Variants in EIF2AK3 observed in about 807,000 individuals in gnomAD.
The protein encoded by EIF2AK3 is eukaryotic translation initiation factor 2-alpha kinase 3.
EIF2AK3 carries 50 observed loss-of-function variants against 113.5 expected under a neutral mutation model. The ratio of observed to expected loss-of-function variants is 0.44; its 90% CI spans 0.35 to 0.56. The LOEUF (loss-of-function observed/expected upper bound fraction) is 0.56, where lower values mean the gene tolerates loss of function less well. Among genes scored for constraint, EIF2AK3 ranks in the 20% least tolerant of loss-of-function variants. The probability of loss-of-function intolerance (pLI) is 0.00; values close to 1 mark genes in which losing one functional copy is unlikely to be tolerated. For synonymous variants in EIF2AK3, 448 were observed against 495.4 expected, an observed-to-expected ratio of 0.90 and a Z score of 1.27; for missense variants, 1,185 against 1,378.0, an observed-to-expected ratio of 0.86 and a Z score of 2.22.
At chr2:88,606,253 TAATA>T (rs1178900271) in intron 2 of EIF2AK3, among the ~76,000 whole-genome samples, 1 of 151,714 alleles carries the variant, frequency 6.6e-6, no homozygotes, top group Non-Finnish European at 1.5e-5. Flanking sequence ...TCACCTAGAT[TAATA>T]TATATTCATG....
chr2:88,626,890 C>T, intron 1 of EIF2AK3, 77 bp downstream of exon 1: 1 of 1,554,028 alleles, frequency 6.4e-7, no homozygotes, highest in South Asian at 1.2e-5. Context: ...GGTCCCGGAT[C>T]TCCGCCCCCC....
Position 88,588,070 on chromosome 2 carries a change from A to G in EIF2AK3, c.1341T>C (p.Ser447=). Residue 447 remains serine (S), a synonymous_variant, in exon 8 of 17, where the codon TCT becomes TCC. Transcript: ENST00000303236. ...TACTGAGACATTTGTCAAATTCATC[A>G]GATCCTACCAAGACAGGAGTTCTGG... ...SPSRTPVLVG[S]DEFDKCLSND... 6.5e-7 allele frequency: 1 copy of G among 1,538,922 alleles called. No individual in the cohort carries two copies. The highest frequency in any genetic ancestry group is 8.9e-7 in the Non-Finnish European group (1 of 1,118,922).
chr2:88,621,692 A>G (rs1300242833), intron 1 of EIF2AK3, among the ~76,000 whole-genome samples: 5 of 152,196 alleles, frequency 3.3e-5, no homozygotes, highest in Non-Finnish European at 7.3e-5. Context: ...TTACTTAAAC[A>G]TATGACAAGA....
chr2:88,590,277 A>G (rs188409370), intron 6 of EIF2AK3, among the ~76,000 whole-genome samples, 166 bp downstream of exon 6: 16 of 152,296 alleles, frequency 1.1e-4, no homozygotes, highest in Admixed American at 4.6e-4. Flanking sequence ...CAAATGGAAA[A>G]GTAGCAGGAA....
At chr2:88,576,831 G>A in intron 11 of EIF2AK3, 128 bp from the exon 12 acceptor site, 2 of 1,035,774 alleles carry the variant, frequency 1.9e-6, no homozygotes, top group South Asian at 1.6e-5. Context: ...GAAAATTAAA[G>A]AAATAAAATT....
intron 1 of EIF2AK3, among the ~76,000 whole-genome samples, chr2:88,622,139 C>T (rs560256757): frequency 4.5e-4 from 69 of 152,200 alleles, no homozygotes; most frequent in African/African-American, 1.5e-3. Context: ...TCAGGTGATC[C>T]GCCTGCCTTG....
chr2:88,570,609 T>G (rs1172086207), intron 14 of EIF2AK3, among the ~76,000 whole-genome samples: 1 of 152,196 alleles, frequency 6.6e-6, no homozygotes, highest in East Asian at 1.9e-4. Context: ...AAAGTCTCTT[T>G]CCAAATTCCT....
chr2:88,580,242 T>C (rs1674566352), intron 10 of EIF2AK3, among the ~76,000 whole-genome samples: 1 of 152,202 alleles, frequency 6.6e-6, no homozygotes, highest in African/African-American at 2.4e-5. Flanking sequence ...AGCAGCCTGT[T>C]TCTCCCTTTA....
intron 1 of EIF2AK3, among the ~76,000 whole-genome samples, chr2:88,617,467 A>C: frequency 6.6e-6 from 1 of 152,222 alleles, no homozygotes; most frequent in Non-Finnish European, 1.5e-5. Flanking sequence ...ACATGGGAGC[A>C]ATAGACACTG....
At chr2:88,621,985 A>G (rs1228513280) in intron 1 of EIF2AK3, among the ~76,000 whole-genome samples, 1 of 143,190 alleles carries the variant, frequency 7.0e-6, no homozygotes, top group Non-Finnish European at 1.5e-5. Flanking sequence ...CAAACTCTGC[A>G]TCCCGGGTTC....
At chr2:88,589,031 T>C in intron 6 of EIF2AK3, 130 bp from the exon 7 acceptor site, 1 of 1,072,564 alleles carries the variant, frequency 9.3e-7, no homozygotes, top group Admixed American at 2.3e-5. Context: ...AGAAACATGC[T>C]TGAAGCACTC....
intron 1 of EIF2AK3, among the ~76,000 whole-genome samples, chr2:88,623,301 G>A (rs139790473): frequency 3.0e-4 from 45 of 152,272 alleles, no homozygotes; most frequent in African/African-American, 1.1e-3. Flanking sequence ...ATCAACTAAT[G>A]TAATGTTTAG....
rs552909988 is a variant in EIF2AK3 at position 88,598,519 on chromosome 2, A to T, written c.439-2856T>A. On this transcript the variant is annotated intron_variant, in intron 2 of 16. Coordinates refer to ENST00000303236, the MANE Select transcript of EIF2AK3 (RefSeq NM_004836.7). ...GAATGCACAACCTGAATCTCAGCAC[A>T]AAGAAACATCAGGCAAGCACAAAGT... is the stretch of plus-strand genomic sequence containing the variant. Among the ~76,000 whole-genome samples the T allele has an allele frequency of 4.3e-4, 65 of 152,326 alleles. No homozygotes were observed. In the South Asian group the frequency reaches 0.013, roughly 32 times the overall value.
At chr2:88,598,599 A>G (rs941770555) in intron 2 of EIF2AK3, among the ~76,000 whole-genome samples, 3 of 152,104 alleles carry the variant, frequency 2.0e-5, no homozygotes, top group African/African-American at 4.8e-5. Context: ...AAAAATGTCA[A>G]TGTCAGATAA....
chr2:88,622,887 AG>A (rs1675762380), intron 1 of EIF2AK3, among the ~76,000 whole-genome samples: 2 of 152,234 alleles, frequency 1.3e-5, no homozygotes, highest in African/African-American at 4.8e-5. Context: ...AAAACGACAG[AG>A]GAAAAAAAGA....
intron 14 of EIF2AK3, 32 bp downstream of exon 14, chr2:88,570,842 T>C (rs1311591656): frequency 6.2e-7 from 1 of 1,612,806 alleles, no homozygotes; most frequent in East Asian, 2.2e-5. Context: ...CATCTGCTGC[T>C]GTGCTAGTAA....
chr2:88,608,349 G>T lies in EIF2AK3; in HGVS notation c.438+5375C>A, dbSNP rs373441456. On this transcript the variant is annotated intron_variant, in intron 2 of 16. Coordinates refer to ENST00000303236, the MANE Select transcript of EIF2AK3 (RefSeq NM_004836.7). ...GCTGGGACGACTACTCAGGAGGCACGTGCCACTGTGCCCAACTTTCATACC... is the reference window on the plus strand; with the variant it reads ...GCTGGGACGACTACTCAGGAGGCACTTGCCACTGTGCCCAACTTTCATACC... Among the ~76,000 whole-genome samples, 21 of 152,188 alleles carry T rather than the reference G, an allele frequency of 1.4e-4. No homozygotes were observed. The East Asian group carries it at 2.9e-3, about 21-fold the overall frequency.
intron 13 of EIF2AK3, among the ~76,000 whole-genome samples, chr2:88,574,110 T>G (rs1160816711): frequency 6.6e-6 from 1 of 152,228 alleles, no homozygotes; most frequent in African/African-American, 2.4e-5. Context: ...GTTAACTATT[T>G]GCTACCTTTC....
In EIF2AK3 at chr2:88,595,835, C is replaced by A. The variant is rs1321520156; in HGVS notation, c.439-172G>T. ...CTTCTGAGTAGCACATGAAGCAGTG[C>A]AGTCCATCAACCAAAAGTAATTTAA... On this transcript the variant is annotated intron_variant, in intron 2 of 16. Transcript: ENST00000303236. The A allele has an allele frequency of 2.4e-5, 17 of 709,542 alleles. No homozygotes were observed. In the East Asian group the frequency reaches 4.6e-4, roughly 19 times the overall value. 44.0% of individuals were successfully genotyped at this position (709,542 alleles called of 1,614,324 possible).
Sources: gnomAD v4.1 joint callset for allele counts (sites outside exome capture counted in the v4.1 genomes callset) on GRCh38, gnomAD v4.1.1 for gene constraint, MANE v1.5 for transcripts, NCBI Gene and HGNC (gene_info 2026-07-23, HGNC 2026-07-21) for gene names.